The following COL24A1 variants were observed in gnomAD, a reference collection of about 807,000 sequenced individuals.
The protein encoded by COL24A1 is collagen alpha-1(XXIV) chain.
A neutral mutation model predicts 253.9 loss-of-function variants in COL24A1; 224 were observed. The ratio of observed to expected loss-of-function variants is 0.88; its 90% CI spans 0.79 to 0.99. The LOEUF is 0.99. COL24A1 is among the 50% of genes least tolerant of loss of function. The pLI, the probability that COL24A1 is intolerant of heterozygous loss-of-function variation, is 0.00. For missense variants in COL24A1, 2,131 were observed against 2,068.5 expected, an observed-to-expected ratio of 1.03 and a Z score of -0.59; for synonymous variants, 685 against 673.7, an observed-to-expected ratio of 1.02 and a Z score of -0.26.
At chr1:85,915,113 C>G (rs1685767953) in intron 24 of COL24A1, among the ~76,000 whole-genome samples, 1 of 152,176 alleles carries the variant, frequency 6.6e-6, no homozygotes, top group East Asian at 1.9e-4. Context: ...AGCAGATTGC[C>G]TTTCCCAATG....
chr1:85,783,658 G>T, intron 50 of COL24A1, 100 bp from the exon 51 acceptor site: 2 of 1,088,266 alleles, frequency 1.8e-6, no homozygotes, highest in East Asian at 2.4e-5. Flanking sequence ...TTTAAAAATG[G>T]AATATAATAC....
At chr1:86,076,642 A>G (rs763494599) in intron 7 of COL24A1, among the ~76,000 whole-genome samples, 9 of 151,904 alleles carry the variant, frequency 5.9e-5, no homozygotes, top group Non-Finnish European at 1.3e-4. Flanking sequence ...TTCAAACTAT[A>G]CTATAAGGCT....
intron 19 of COL24A1, among the ~76,000 whole-genome samples, chr1:86,016,035 A>C (rs1169525488): frequency 6.9e-6 from 1 of 145,434 alleles, no homozygotes; most frequent in Admixed American, 6.9e-5. Context: ...TAACTTTTAA[A>C]ACATTTTTTC....
At chr1:85,977,349 C>A (rs753208010) in intron 20 of COL24A1, among the ~76,000 whole-genome samples, 27 of 152,166 alleles carry the variant, frequency 1.8e-4, no homozygotes, top group Non-Finnish European at 3.4e-4. Flanking sequence ...GGCTCCCCAG[C>A]AGTGGATCCA....
At chr1:86,145,337 T>G (rs1651726100) in intron 2 of COL24A1, among the ~76,000 whole-genome samples, 1 of 152,102 alleles carries the variant, frequency 6.6e-6, no homozygotes, top group Non-Finnish European at 1.5e-5. Context: ...TTTGCTACCT[T>G]TAAGGCAGAG....
At chr1:85,748,507 GAACTAA>G (rs1665531235) in intron 55 of COL24A1, among the ~76,000 whole-genome samples, 1 of 152,120 alleles carries the variant, frequency 6.6e-6, no homozygotes, top group South Asian at 2.1e-4. Context: ...CATGTCTTTA[GAACTAA>G]AGGACAGAGG....
chr1:86,078,990 T>G (rs1022061815), intron 7 of COL24A1, among the ~76,000 whole-genome samples: 8 of 152,118 alleles, frequency 5.3e-5, no homozygotes, highest in African/African-American at 1.9e-4. Flanking sequence ...AAACCCAGAA[T>G]AGCCAAAGCT....
chr1:85,942,156 T>G (rs1005258700), intron 24 of COL24A1, among the ~76,000 whole-genome samples: 2 of 152,216 alleles, frequency 1.3e-5, no homozygotes, highest in Non-Finnish European at 2.9e-5. Flanking sequence ...TAAATCTTTT[T>G]GAAGTTCTCT....
chr1:85,781,309 T>G, intron 51 of COL24A1, 36 bp from the exon 52 acceptor site: 1 of 1,466,528 alleles, frequency 6.8e-7, no homozygotes, highest in Non-Finnish European at 9.3e-7. Context: ...TCACTGTTAG[T>G]ATAATTAAAA....
In COL24A1 at chr1:85,771,936, C is replaced by G. The variant is rs199859127; in HGVS notation, c.4374+3738G>C. 4.1e-5 allele frequency among the ~76,000 whole-genome samples: 6 copies of G among 147,200 alleles called. No individual in the cohort carries two copies. The East Asian group carries it at 1.2e-3, about 29-fold the overall frequency. On this transcript the variant is annotated intron_variant, in intron 53 of 59. Transcript: ENST00000370571. ...CTAGCATTAGGTATATCTCCCAATGCTATCCCTCCCCCGTACCCCCACCCC... is the reference window on the plus strand; with the variant it reads ...CTAGCATTAGGTATATCTCCCAATGGTATCCCTCCCCCGTACCCCCACCCC...
intron 51 of COL24A1, among the ~76,000 whole-genome samples, chr1:85,781,758 T>C (rs766210422): frequency 6.6e-6 from 1 of 152,138 alleles, no homozygotes; most frequent in Non-Finnish European, 1.5e-5. Flanking sequence ...TCTTCATCTG[T>C]AAAACAGGAA....
At chr1:85,837,622 T>C (rs1011673754) in intron 43 of COL24A1, among the ~76,000 whole-genome samples, 3 of 152,112 alleles carry the variant, frequency 2.0e-5, no homozygotes, top group African/African-American at 7.2e-5. Flanking sequence ...TAAAAATAAT[T>C]AGCAAAATTA....
intron 14 of COL24A1, chr1:86,029,897 T>C (rs898572011): frequency 6.6e-6 from 1 of 152,072 alleles, no homozygotes; most frequent in Non-Finnish European, 1.5e-5. Flanking sequence ...GGAGAAACAA[T>C]AGGTACTGAA....
chr1:85,903,444 A>G (rs186867303), intron 28 of COL24A1, among the ~76,000 whole-genome samples: 29 of 152,330 alleles, frequency 1.9e-4, no homozygotes, highest in Middle Eastern at 3.4e-3. Flanking sequence ...AAGACAAAAT[A>G]AGCTTTACGA....
intron 20 of COL24A1, among the ~76,000 whole-genome samples, chr1:85,975,888 A>T (rs1334166107): frequency 6.6e-6 from 1 of 152,194 alleles, no homozygotes; most frequent in Non-Finnish European, 1.5e-5. Flanking sequence ...ATTTAACCTT[A>T]CCTAGAGCTG....
chr1:85,893,896 G>T (rs570761840), intron 31 of COL24A1, among the ~76,000 whole-genome samples: 76 of 152,150 alleles, frequency 5.0e-4, no homozygotes, highest in African/African-American at 1.7e-3. Context: ...TTCTGCCTCT[G>T]CCTCCCAAAG....
Position 85,907,288 on chromosome 1 carries a change from G to T in COL24A1, c.2725-41C>A, listed in dbSNP as rs766936005. ...TTAAAGTCAGTTGTAGAATTTACAA[G>T]AATACTATCAGAATAATAGCCATAA... is the stretch of plus-strand genomic sequence containing the variant. On this transcript the variant is annotated intron_variant, in intron 27 of 59. Coordinates refer to ENST00000370571, the MANE Select transcript of COL24A1 (RefSeq NM_152890.7). 5 of 1,485,758 alleles carry T rather than the reference G, an allele frequency of 3.4e-6. No homozygotes were observed. In the South Asian group the frequency reaches 4.6e-5, roughly 14 times the overall value. The allele number at this position is 1,485,758 out of a possible 1,614,324, so 92.0% of individuals were successfully genotyped here. A position where few individuals can be genotyped will look rare whatever the true frequency, so the allele number is the denominator to read the frequency against.
At chr1:85,949,840 A>G (rs1027225787) in intron 24 of COL24A1, among the ~76,000 whole-genome samples, 1 of 152,144 alleles carries the variant, frequency 6.6e-6, no homozygotes, top group Non-Finnish European at 1.5e-5. Context: ...TGGCATATAT[A>G]CAGGGTTCCT....
chr1:86,000,835 A>G (rs750048919), intron 19 of COL24A1, among the ~76,000 whole-genome samples: 1 of 152,198 alleles, frequency 6.6e-6, no homozygotes, highest in Non-Finnish European at 1.5e-5. Context: ...AATATTTGGC[A>G]ATCTCTGTAG....
Sources: gnomAD v4.1 joint callset for allele counts (sites outside exome capture counted in the v4.1 genomes callset) on GRCh38, gnomAD v4.1.1 for gene constraint, MANE v1.5 for transcripts, NCBI Gene and HGNC (gene_info 2026-07-23, HGNC 2026-07-21) for gene names.